The following NUP205 variants were observed in gnomAD, a reference collection of about 807,000 sequenced individuals.
The protein encoded by NUP205 is nuclear pore complex protein Nup205.
A neutral mutation model predicts 253.8 loss-of-function variants in NUP205; 76 were observed. The ratio of observed to expected loss-of-function variants is 0.30; its 90% CI spans 0.25 to 0.36. NUP205 has a LOEUF of 0.36. Among genes scored for constraint, NUP205 ranks in the 10% least tolerant of loss-of-function variants. NUP205 has a pLI of 1.00. For missense variants in NUP205, 2,162 were observed against 2,425.5 expected (o/e 0.89, Z 2.28); for synonymous variants, 832 against 850.1 (o/e 0.98, Z 0.37).
intron 28 of NUP205, among the ~76,000 whole-genome samples, chr7:135,619,203 G>C (rs1794422075): frequency 1.3e-5 from 2 of 151,916 alleles, no homozygotes; most frequent in African/African-American, 4.8e-5. Flanking sequence ...ATCTCTACGA[G>C]CATGATGGTG....
chr7:135,571,986 ACT>A (rs1806008903), intron 2 of NUP205, among the ~76,000 whole-genome samples: 1 of 151,784 alleles, frequency 6.6e-6, no homozygotes, highest in South Asian at 2.1e-4. Context: ...CTGGCTCTTC[ACT>A]CCTAAGTAGC....
chr7:135,565,502 G>A (rs1331444731), intron 1 of NUP205, among the ~76,000 whole-genome samples: 5 of 149,690 alleles, frequency 3.3e-5, no homozygotes, highest in Admixed American at 6.7e-5. Context: ...GTGTGATCTC[G>A]GCTCACTGCA....
chr7:135,559,841 G>A (rs963711531), intron 1 of NUP205, among the ~76,000 whole-genome samples: 2 of 151,892 alleles, frequency 1.3e-5, no homozygotes, highest in East Asian at 1.9e-4. Flanking sequence ...ACAGGCGCCC[G>A]CCACCATGCT....
intron 22 of NUP205, among the ~76,000 whole-genome samples, chr7:135,613,485 T>C (rs1323472076): frequency 6.6e-6 from 1 of 151,918 alleles, no homozygotes; most frequent in African/African-American, 2.4e-5. Flanking sequence ...ACTCTTATGG[T>C]TCTCAGAAGT....
Position 135,606,760 on chromosome 7 carries a change from T to C in NUP205, c.2915T>C (p.Leu972Pro). The C allele has an allele frequency of 1.4e-5, 23 of 1,613,580 alleles. No homozygotes were observed. The highest frequency in any genetic ancestry group is 1.9e-5 in the Non-Finnish European group (22 of 1,179,608). Residue 972 changes from leucine to proline, a missense_variant, in exon 21 of 43, where the codon CTT (leucine) becomes CCT (proline). By Grantham distance (98) the Leu-to-Pro change is moderately conservative. Around this residue, in one of 5 missense-constraint regions of NUP205, gnomAD observed 1,144 missense variants for 1,280.9 expected, o/e 0.89. Transcript: ENST00000285968. ...EFVRLEEGSE[L>P]EKKLVAIRHE... ...TGATTTCTGCATTAAGGATCAGAAC[T>C]TGAAAAGAAATTAGTTGCAATTCGT...
At chr7:135,603,801 T>G (rs1053659527) in intron 18 of NUP205, among the ~76,000 whole-genome samples, 1 of 152,156 alleles carries the variant, frequency 6.6e-6, no homozygotes, top group Non-Finnish European at 1.5e-5. Context: ...TGAGCCGCTG[T>G]GCCCACCCGA....
At chr7:135,564,689 G>T (rs535581165) in intron 1 of NUP205, among the ~76,000 whole-genome samples, 1 of 152,068 alleles carries the variant, frequency 6.6e-6, no homozygotes, top group Admixed American at 6.6e-5. Flanking sequence ...GAGCCACCTT[G>T]CCTGGCCCTT....
At chr7:135,612,487 G>A (rs559774969) in intron 22 of NUP205, among the ~76,000 whole-genome samples, 58 of 152,322 alleles carry the variant, frequency 3.8e-4, no homozygotes, top group Non-Finnish European at 7.1e-4. Flanking sequence ...GGACAAGGCA[G>A]CATTTCAGCA....
In NUP205 at chr7:135,606,702, G is replaced by A. The variant is rs112100567; in HGVS notation, c.2906-49G>A. On this transcript the variant is annotated intron_variant, in intron 20 of 42. Transcript: ENST00000285968. ...GTTTTGTATTTTTTATTTGACTTAC[G>A]TTAACTTTCCACTGTTTTGTAATTT... The A allele has an allele frequency of 2.6e-3, 3,883 of 1,473,800 alleles. 91 individuals carry two copies. In the African/African-American group the frequency reaches 0.047, roughly 18 times the overall value. 91.3% of individuals were successfully genotyped at this position (1,473,800 alleles called of 1,614,324 possible). A position where few individuals can be genotyped will look rare whatever the true frequency, so the allele number is the denominator to read the frequency against.
chr7:135,579,152 CCT>C (rs1806234652), intron 7 of NUP205, among the ~76,000 whole-genome samples: 1 of 152,032 alleles, frequency 6.6e-6, no homozygotes, highest in Non-Finnish European at 1.5e-5. Context: ...TGCTCTTTTA[CCT>C]TCAGGGTATG....
rs372734141 is a variant in NUP205 at position 135,638,675 on chromosome 7, C to T, written c.5384C>T (p.Pro1795Leu). The T allele has an allele frequency of 1.1e-5, 18 of 1,613,916 alleles. No individual in the cohort carries two copies. Among genetic ancestry groups the T allele is most frequent in the African/African-American group, 6.7e-5 (5 of 74,880 alleles). The stretch of plus-strand genomic sequence containing the variant: ...TCAGAAACAGTTAATAGAGATGGAC[C>T]GCGGCAAGGTGAGCTTAGTTTTTCA... ...SLSETVNRDG[P>L]RQDTQAPVVP... The change falls in exon 38 of 43, where the codon CCG becomes CTG. Residue 1795 changes from proline (P) to leucine (L), a missense_variant. Pro to Leu is a moderately conservative substitution (Grantham distance 98). Around this residue, in one of 5 missense-constraint regions of NUP205, gnomAD observed 1,144 missense variants for 1,280.9 expected, o/e 0.89. Transcript: ENST00000285968.
chr7:135,588,273 C>T lies in NUP205; in HGVS notation c.1473+281C>T, dbSNP rs556845555. Among the ~76,000 whole-genome samples, 170 of 143,260 alleles carry T rather than the reference C, an allele frequency of 1.2e-3. 6 individuals are homozygous for T. The highest frequency in any genetic ancestry group is 3.7e-3 in the African/African-American group (144 of 38,986). 94.0% of individuals were successfully genotyped at this position (143,260 alleles called of 152,430 possible). ...CTCCCGCCTCAGCCCCCAGGGTAGT[C>T]GGGACTACAGGCATACACCACCACA... On this transcript the variant is annotated intron_variant, in intron 10 of 42. Coordinates refer to ENST00000285968, the MANE Select transcript of NUP205 (RefSeq NM_015135.3).
intron 38 of NUP205, among the ~76,000 whole-genome samples, chr7:135,638,977 A>G (rs540466755): frequency 6.6e-6 from 1 of 152,324 alleles, no homozygotes; most frequent in South Asian, 2.1e-4. Context: ...TGGGTGGAAA[A>G]GATGAAAATA....
At chr7:135,606,056 G>C in intron 19 of NUP205, 89 bp from the exon 20 acceptor site, 1 of 864,358 alleles carries the variant, frequency 1.2e-6, no homozygotes, top group South Asian at 1.6e-5. Flanking sequence ...TTTTCCTTAT[G>C]GATGAATATT....
chr7:135,641,253 G>T (rs535141532), intron 38 of NUP205, among the ~76,000 whole-genome samples: 1 of 152,090 alleles, frequency 6.6e-6, no homozygotes, highest in Non-Finnish European at 1.5e-5. Flanking sequence ...CCTCTTTGTG[G>T]GTATCTTCCT....
intron 13 of NUP205, among the ~76,000 whole-genome samples, chr7:135,595,002 A>T (rs1244228505): frequency 1.3e-5 from 2 of 152,174 alleles, no homozygotes; most frequent in East Asian, 3.9e-4. Flanking sequence ...TTAAGATATT[A>T]CTAGATGGAC....
intron 42 of NUP205, among the ~76,000 whole-genome samples, chr7:135,647,132 A>G (rs1316482684): frequency 6.6e-6 from 1 of 152,232 alleles, no homozygotes; most frequent in Non-Finnish European, 1.5e-5. Context: ...TGAAAACCTC[A>G]TATTAAACTA....
intron 34 of NUP205, among the ~76,000 whole-genome samples, chr7:135,628,428 G>C (rs1171277541): frequency 6.6e-6 from 1 of 152,124 alleles, no homozygotes; most frequent in Non-Finnish European, 1.5e-5. Flanking sequence ...AATTTAACCA[G>C]GTATCTATTG....
At chr7:135,562,840 G>A (rs1805627560) in intron 1 of NUP205, among the ~76,000 whole-genome samples, 1 of 152,048 alleles carries the variant, frequency 6.6e-6, no homozygotes, top group Non-Finnish European at 1.5e-5. Flanking sequence ...CACCACACTC[G>A]GTCATCAAAA....
Sources: gnomAD v4.1 joint callset for allele counts (sites outside exome capture counted in the v4.1 genomes callset) on GRCh38, gnomAD v4.1.1 for gene constraint, gnomAD v4.1.1 regional missense constraint, MANE v1.5 for transcripts, NCBI Gene and HGNC (gene_info 2026-07-23, HGNC 2026-07-21) for gene names.